The following RUNX1 variants were observed in gnomAD, a reference collection of about 807,000 sequenced individuals.
RUNX1 encodes the protein runt-related transcription factor 1.
RUNX1 carries 19 observed loss-of-function variants against 42.8 expected under a neutral mutation model. The ratio of observed to expected loss-of-function variants is 0.44; its 90% CI spans 0.31 to 0.65. The LOEUF (loss-of-function observed/expected upper bound fraction) is 0.65, where lower values mean the gene tolerates loss of function less well. Ranked by LOEUF, RUNX1 falls within the 30% of genes least tolerant of loss-of-function variation. RUNX1 has a pLI of 0.07. For missense variants in RUNX1, 528 were observed against 672.0 expected (o/e 0.79, Z 2.37); for synonymous variants, 271 against 289.4 (o/e 0.94, Z 0.64).
chr21:34,849,812 T>C (rs1411677215), intron 6 of RUNX1, among the ~76,000 whole-genome samples: 2 of 151,486 alleles, frequency 1.3e-5, no homozygotes, highest in African/African-American at 4.8e-5. Context: ...GAAAAGAATA[T>C]GCGATGAACA....
intron 5 of RUNX1, among the ~76,000 whole-genome samples, chr21:34,863,550 CTTT>C (rs34743281): frequency 1.2e-4 from 13 of 109,132 alleles, no homozygotes; most frequent in African/African-American, 3.8e-4. Flanking sequence ...TCATGCCCAT[CTTT>C]TTTTTTTTTT....
chr21:34,834,169 A>C (rs1308771662), intron 7 of RUNX1: 2 of 692,630 alleles, frequency 2.9e-6, no homozygotes, highest in Non-Finnish European at 2.6e-6. Context: ...CCTCTGTAGC[A>C]GTGCTTTTCC....
At chr21:34,963,105 T>G (rs918858777) in intron 2 of RUNX1, among the ~76,000 whole-genome samples, 1 of 152,210 alleles carries the variant, frequency 6.6e-6, no homozygotes, top group Non-Finnish European at 1.5e-5. Flanking sequence ...GGGACAGGGC[T>G]GGGACTCTGG....
At chr21:34,954,225 G>A (rs1314213767) in intron 2 of RUNX1, among the ~76,000 whole-genome samples, 3 of 152,204 alleles carry the variant, frequency 2.0e-5, no homozygotes, top group Non-Finnish European at 4.4e-5. Flanking sequence ...ATTGAGTAGA[G>A]ATGACTTTTA....
In RUNX1 at chr21:34,907,502, TCTTA is replaced by T. The variant is rs1048002059; in HGVS notation, c.59-14543_59-14540del. On this transcript the variant is annotated intron_variant, in intron 2 of 8. Transcript: ENST00000675419. This position sits in a 1 kb window ranked among gnomAD's most constrained non-coding sequence, Gnocchi z 5.3. ...CCTGAGCCCTGGCATACTATTTACT[TCTTA>T]CTGTTTCTTGCTATTCAAAAAGTTT... Among the ~76,000 whole-genome samples the T allele has an allele frequency of 1.6e-4, 25 of 152,320 alleles. No homozygotes were observed. In the South Asian group the frequency reaches 3.1e-3, roughly 19 times the overall value.
intron 2 of RUNX1, among the ~76,000 whole-genome samples, chr21:35,046,785 A>G (rs1311672000): frequency 6.6e-6 from 1 of 152,160 alleles, no homozygotes; most frequent in Non-Finnish European, 1.5e-5. Context: ...ATATTATATT[A>G]CCAAATTAGA....
At position 34,968,436 on chromosome 21, in the gene RUNX1, G is replaced by A. The variant is rs78578760; in HGVS notation, c.59-75473C>T. 6.3e-3 allele frequency among the ~76,000 whole-genome samples: 962 copies of A among 152,228 alleles called. 11 individuals are homozygous for A. The highest frequency in any genetic ancestry group is 0.011 in the Non-Finnish European group (756 of 67,996). On this transcript the variant is annotated intron_variant, in intron 2 of 8. Transcript: ENST00000675419. ...GAGCCACAGGTGGGGCAGCCAGCAC[G>A]GAAGAGGGTGGCTTTGCTACCATTG... is the stretch of plus-strand genomic sequence containing the variant.
intron 2 of RUNX1, among the ~76,000 whole-genome samples, chr21:34,992,739 T>C (rs1474943601): frequency 6.6e-6 from 1 of 150,872 alleles, no homozygotes; most frequent in Non-Finnish European, 1.5e-5. Flanking sequence ...TTTGGCCATG[T>C]TCACTGCTGC....
At chr21:34,806,241 C>T (rs2056678019) in intron 7 of RUNX1, among the ~76,000 whole-genome samples, 1 of 152,018 alleles carries the variant, frequency 6.6e-6, no homozygotes, top group African/African-American at 2.4e-5. Flanking sequence ...TACAAGGGAC[C>T]TATTTTAAAT....
chr21:35,018,522 G>A (rs931785550), intron 2 of RUNX1, among the ~76,000 whole-genome samples: 3 of 152,136 alleles, frequency 2.0e-5, no homozygotes, highest in South Asian at 2.1e-4. Flanking sequence ...CTGAGCGGAC[G>A]AATGCATATA....
At chr21:34,804,914 C>CTT (rs907688435) in intron 7 of RUNX1, among the ~76,000 whole-genome samples, 1 of 150,470 alleles carries the variant, frequency 6.6e-6, no homozygotes, top group African/African-American at 2.4e-5. Context: ...GCTATTTTTT[C>CTT]TTTTTTTTTG....
intron 7 of RUNX1, chr21:34,834,055 G>A (rs2146071527): frequency 1.1e-5 from 5 of 450,250 alleles, no homozygotes; most frequent in South Asian, 7.6e-5. Flanking sequence ...GTGTCTTCAA[G>A]CCTAATGGGT....
rs1480547134 is a variant in RUNX1, at chr21:34,834,511, G to C, written c.704C>G (p.Ala235Gly). ...LSELEQLRRTAMRVSPHHPAP... is the reference protein window; with the variant it reads ...LSELEQLRRTGMRVSPHHPAP... ...TGGGTGGTGTGGGCTGACCCTCATG[G>C]CTGTGCGCCGCAGCTGCTCCAGTTC... Residue 235 changes from alanine (A) to glycine (G), a missense_variant, in exon 7 of 9, where the codon GCC becomes GGC. Ala to Gly is a moderately conservative substitution (Grantham distance 60). Coordinates refer to ENST00000675419, the MANE Select transcript of RUNX1 (RefSeq NM_001754.5). 6.2e-7 allele frequency: 1 copy of C among 1,613,256 alleles called. No individual in the cohort carries two copies. The highest frequency in any genetic ancestry group is 8.5e-7 in the Non-Finnish European group (1 of 1,179,970).
At chr21:34,934,658 AG>A (rs1321674938) in intron 2 of RUNX1, among the ~76,000 whole-genome samples, 1 of 152,200 alleles carries the variant, frequency 6.6e-6, no homozygotes, top group Non-Finnish European at 1.5e-5. Flanking sequence ...CCAGAGAAGC[AG>A]GAATAAAGAA....
At chr21:35,028,048 C>T (rs1177612011) in intron 2 of RUNX1, among the ~76,000 whole-genome samples, 5 of 152,168 alleles carry the variant, frequency 3.3e-5, no homozygotes, top group African/African-American at 1.2e-4. Flanking sequence ...ACATAGAGGT[C>T]CCTCCAGAGG....
chr21:35,023,252 A>G (rs2059212562), intron 2 of RUNX1, among the ~76,000 whole-genome samples: 1 of 151,690 alleles, frequency 6.6e-6, no homozygotes, highest in African/African-American at 2.4e-5. Context: ...CCTTTGTTTA[A>G]CTCTTAAGTT....
At chr21:35,031,210 T>C (rs1315255488) in intron 2 of RUNX1, among the ~76,000 whole-genome samples, 2 of 152,158 alleles carry the variant, frequency 1.3e-5, no homozygotes, top group Admixed American at 1.3e-4. Flanking sequence ...TAGCTGGGCA[T>C]GGTGGCGCAC....
At chr21:34,948,489 A>G (rs1413727692) in intron 2 of RUNX1, among the ~76,000 whole-genome samples, 1 of 152,188 alleles carries the variant, frequency 6.6e-6, no homozygotes, top group Non-Finnish European at 1.5e-5. Context: ...TGCTTTGCTT[A>G]AATTACTCAA....
At chr21:34,930,270 G>GTGTGTGTGTGTATATCTA (rs372412304) in intron 2 of RUNX1, among the ~76,000 whole-genome samples, 1 of 123,038 alleles carries the variant, frequency 8.1e-6, no homozygotes, top group African/African-American at 3.8e-5. Flanking sequence ...GTGTGTGTAT[G>GTGTGTGTGTGTATATCTA]TATATATATA....
Sources: gnomAD v4.1 joint callset for allele counts (sites outside exome capture counted in the v4.1 genomes callset) on GRCh38, gnomAD v4.1.1 for gene constraint, Gnocchi (gnomAD v3.1) non-coding constraint, MANE v1.5 for transcripts, NCBI Gene and HGNC (gene_info 2026-07-23, HGNC 2026-07-21) for gene names.